CBFA2T2: variants seen among roughly 807,000 people sequenced by gnomAD.
CBFA2T2 encodes the protein protein CBFA2T2.
CBFA2T2 carries 11 observed loss-of-function variants against 62.2 expected under a neutral mutation model. The ratio of observed to expected loss-of-function variants is 0.18; its 90% CI spans 0.11 to 0.29. CBFA2T2 has a LOEUF of 0.29. Ranked by LOEUF, CBFA2T2 falls within the 10% of genes least tolerant of loss-of-function variation. The pLI is 1.00. For synonymous variants in CBFA2T2, 295 were observed against 287.5 expected (o/e 1.03, Z -0.27); for missense variants, 592 against 774.1 (o/e 0.76, Z 2.79).
At chr20:33,537,350 G>T (rs1023125121) in intron 1 of CBFA2T2, among the ~76,000 whole-genome samples, 2 of 152,234 alleles carry the variant, frequency 1.3e-5, no homozygotes, top group Non-Finnish European at 2.9e-5. Context: ...AGTCAGGCGT[G>T]GCAGCGCGCG....
In CBFA2T2 at chr20:33,490,242, G is replaced by A; in HGVS notation, c.-26G>A. On this transcript the variant is annotated 5_prime_UTR_variant, in exon 1 of 11. Coordinates refer to ENST00000342704, the MANE Select transcript of CBFA2T2 (RefSeq NM_001032999.3). ...GGACCCGTGTCGCGGGTAGAGGCGG[G>A]CGGCGCGCGGCGGCGGCGCTCGGCG... 3 of 1,231,314 alleles carry A rather than the reference G, an allele frequency of 2.4e-6. No individual in the cohort carries two copies. Among genetic ancestry groups the A allele is most frequent in the Non-Finnish European group, 3.0e-6 (3 of 987,024 alleles). 76.3% of individuals were successfully genotyped at this position (1,231,314 alleles called of 1,614,324 possible). A position where few individuals can be genotyped will look rare whatever the true frequency, so the allele number is the denominator to read the frequency against.
chr20:33,496,905 T>G (rs1004245222), intron 1 of CBFA2T2, among the ~76,000 whole-genome samples: 2 of 152,182 alleles, frequency 1.3e-5, no homozygotes, highest in Non-Finnish European at 2.9e-5. Flanking sequence ...ATGAAATTTA[T>G]TTTCCTACTC....
rs1249725258 is a variant in CBFA2T2, at chr20:33,535,745, T to C, written c.34+45444T>C. Among the ~76,000 whole-genome samples, 6 of 151,276 alleles carry C rather than the reference T, an allele frequency of 4.0e-5. No homozygotes were observed. In the East Asian group the frequency reaches 1.2e-3, roughly 29 times the overall value. ...GGGAGTTGGCAGGGTCATAGGACAA[T>C]AGTGGAGGGAAGGTCAGCAGATAAA... On this transcript the variant is annotated intron_variant, in intron 1 of 10. Transcript: ENST00000342704.
chr20:33,581,482 G>A (rs992856978), intron 1 of CBFA2T2, among the ~76,000 whole-genome samples: 1 of 150,270 alleles, frequency 6.7e-6, no homozygotes, highest in Non-Finnish European at 1.5e-5. Flanking sequence ...TTTGTTCTTT[G>A]TGTGTGTGTG....
chr20:33,585,937 T>G (rs2014348579), intron 1 of CBFA2T2, among the ~76,000 whole-genome samples: 1 of 152,208 alleles, frequency 6.6e-6, no homozygotes, highest in Non-Finnish European at 1.5e-5. Flanking sequence ...CGTGGTAAAT[T>G]GAAAGTTAAC....
At chr20:33,617,441 C>T (rs192766557) in intron 3 of CBFA2T2, among the ~76,000 whole-genome samples, 5 of 152,264 alleles carry the variant, frequency 3.3e-5, no homozygotes, top group African/African-American at 1.2e-4. Context: ...GTGTTTATCC[C>T]TCTCATACAG....
intron 1 of CBFA2T2, among the ~76,000 whole-genome samples, chr20:33,588,764 T>C (rs1234543412): frequency 6.6e-6 from 1 of 152,010 alleles, no homozygotes; most frequent in African/African-American, 2.4e-5. Context: ...TTGACCAACA[T>C]GATGAAACCC....
intron 9 of CBFA2T2, among the ~76,000 whole-genome samples, chr20:33,638,194 C>T (rs1018187609): frequency 1.3e-5 from 2 of 151,736 alleles, no homozygotes; most frequent in Non-Finnish European, 2.9e-5. Context: ...AGGCTGGTTT[C>T]GAACTCTTGA....
chr20:33,548,818 T>C (rs911013098), intron 1 of CBFA2T2, among the ~76,000 whole-genome samples: 2 of 152,038 alleles, frequency 1.3e-5, no homozygotes, highest in Non-Finnish European at 2.9e-5. Context: ...AAGCCAGACA[T>C]GGTGGCATTC....
chr20:33,596,215 G>A lies in CBFA2T2; in HGVS notation c.35-10741G>A, dbSNP rs138283675. Among the ~76,000 whole-genome samples, 727 of 152,150 alleles carry A rather than the reference G, an allele frequency of 4.8e-3. 8 individuals are homozygous for A. Among genetic ancestry groups the A allele is most frequent in the African/African-American group, 0.016 (670 of 41,532 alleles). The stretch of plus-strand genomic sequence containing the variant: ...TATATTAACTCTTTCCTGGCTTAAG[G>A]TGCTGTAGCCACTGTATCTGTCTCA... On this transcript the variant is annotated intron_variant, in intron 1 of 10. Transcript: ENST00000342704.
intron 1 of CBFA2T2, among the ~76,000 whole-genome samples, chr20:33,492,358 T>C (rs1435999691): frequency 6.6e-6 from 1 of 151,766 alleles, no homozygotes; most frequent in Non-Finnish European, 1.5e-5. Context: ...GGGGCTCTTC[T>C]GCCTATGAAG....
intron 1 of CBFA2T2, among the ~76,000 whole-genome samples, chr20:33,535,976 A>C (rs2012208132): frequency 6.6e-6 from 1 of 152,228 alleles, no homozygotes; most frequent in Non-Finnish European, 1.5e-5. Context: ...CAGAGAGCAC[A>C]GGGTTGGGGG....
chr20:33,568,785 G>T (rs1481611070), intron 1 of CBFA2T2, among the ~76,000 whole-genome samples: 1 of 152,152 alleles, frequency 6.6e-6, no homozygotes, highest in Non-Finnish European at 1.5e-5. Context: ...ATGGGTCTAT[G>T]CAAAGAAGTA....
rs531360036 is a variant in CBFA2T2, at chr20:33,564,109, A to T, written c.35-42847A>T. On this transcript the variant is annotated intron_variant, in intron 1 of 10. Coordinates refer to ENST00000342704, the MANE Select transcript of CBFA2T2 (RefSeq NM_001032999.3). ...ACGCAAAAATTCTACCATTTCTCAA[A>T]TAGAAACTTTAAAAAATATTTTTAT... Among the ~76,000 whole-genome samples the T allele has an allele frequency of 3.3e-5, 5 of 152,296 alleles. 1 individual carries two copies. In the South Asian group the frequency reaches 1.0e-3, roughly 32 times the overall value.
intron 1 of CBFA2T2, among the ~76,000 whole-genome samples, chr20:33,552,518 A>G (rs1200235892): frequency 6.6e-6 from 1 of 152,230 alleles, no homozygotes; most frequent in Non-Finnish European, 1.5e-5. Context: ...AAAAAAAGGA[A>G]GACACTATTT....
At chr20:33,587,193 C>G (rs1363551741) in intron 1 of CBFA2T2, among the ~76,000 whole-genome samples, 1 of 152,246 alleles carries the variant, frequency 6.6e-6, no homozygotes, top group Admixed American at 6.5e-5. Context: ...ATCCTCCTGC[C>G]TTGGCCTCCC....
chr20:33,639,621 C>G (rs2016757313), intron 9 of CBFA2T2: 1 of 151,270 alleles, frequency 6.6e-6, no homozygotes, highest in Non-Finnish European at 1.5e-5. Context: ...GTGCCTCACC[C>G]CTATAACACT....
In CBFA2T2 at chr20:33,493,091, T is replaced by C. The variant is rs892125252; in HGVS notation, c.34+2790T>C. On this transcript the variant is annotated intron_variant, in intron 1 of 10. Transcript: ENST00000342704. ...TGGTTTTTTTTTTTTTTTTTTTTTT[T>C]TGAGACGGAGTTTCACTCTTGTTGC... is the stretch of plus-strand genomic sequence containing the variant. 4.8e-4 allele frequency among the ~76,000 whole-genome samples: 72 copies of C among 149,174 alleles called. 1 individual carries two copies. The highest frequency in any genetic ancestry group is 1.6e-4 in the Non-Finnish European group (11 of 67,434).
rs552499107 is a variant in CBFA2T2, at chr20:33,580,097, G to T, written c.35-26859G>T. On this transcript the variant is annotated intron_variant, in intron 1 of 10. Coordinates refer to ENST00000342704, the MANE Select transcript of CBFA2T2 (RefSeq NM_001032999.3). The stretch of plus-strand genomic sequence containing the variant: ...CTCCCAAAGTGCTAGGATTATGGGT[G>T]TGAGCCACTGCGCCTGGCCTCTTTT... Among the ~76,000 whole-genome samples the T allele has an allele frequency of 2.6e-5, 4 of 152,204 alleles. No homozygotes were observed. The East Asian group carries it at 7.7e-4, about 29-fold the overall frequency.
Sources: gnomAD v4.1 joint callset for allele counts (sites outside exome capture counted in the v4.1 genomes callset) on GRCh38, gnomAD v4.1.1 for gene constraint, MANE v1.5 for transcripts, NCBI Gene and HGNC (gene_info 2026-07-23, HGNC 2026-07-21) for gene names.